The following PRKAG2 variants were observed in gnomAD, a reference collection of about 807,000 sequenced individuals.
The protein encoded by PRKAG2 is 5'-AMP-activated protein kinase subunit gamma-2.
A neutral mutation model predicts 69.6 loss-of-function variants in PRKAG2; 26 were observed. That is an observed-to-expected ratio of 0.37 (90% CI 0.27 to 0.52). The LOEUF (loss-of-function observed/expected upper bound fraction) is 0.52. PRKAG2 is among the 20% of genes least tolerant of loss of function. The pLI is 0.90. For missense variants in PRKAG2, 557 were observed against 740.0 expected, an observed-to-expected ratio of 0.75 and a Z score of 2.87; for synonymous variants, 293 against 285.0, an observed-to-expected ratio of 1.03 and a Z score of -0.28.
intron 7 of PRKAG2, among the ~76,000 whole-genome samples, chr7:151,575,945 T>C (rs1585000598): frequency 6.7e-6 from 1 of 149,434 alleles, no homozygotes; most frequent in South Asian, 2.1e-4. Context: ...TGGACCTTAC[T>C]AGCACGTCCA....
intron 1 of PRKAG2, among the ~76,000 whole-genome samples, chr7:151,819,244 C>T (rs1164983961): frequency 1.3e-5 from 2 of 152,248 alleles, no homozygotes; most frequent in African/African-American, 4.8e-5. Flanking sequence ...GTCCTAACAC[C>T]TCTGGGTCCT....
chr7:151,822,627 T>C (rs966981596), intron 1 of PRKAG2, among the ~76,000 whole-genome samples: 2 of 152,136 alleles, frequency 1.3e-5, no homozygotes, highest in African/African-American at 4.8e-5. Flanking sequence ...TGCCCAGGCT[T>C]GGGCACCTGG....
intron 2 of PRKAG2, among the ~76,000 whole-genome samples, chr7:151,782,034 G>A (rs1199687590): frequency 6.6e-6 from 1 of 152,080 alleles, no homozygotes; most frequent in Non-Finnish European, 1.5e-5. Context: ...CATTTTGGAA[G>A]GCCGAGGCGG....
intron 6 of PRKAG2, among the ~76,000 whole-genome samples, chr7:151,577,491 C>T (rs1333000280): frequency 6.6e-6 from 1 of 152,024 alleles, no homozygotes; most frequent in Non-Finnish European, 1.5e-5. Flanking sequence ...CTAAATAAGC[C>T]GATATTTTAA....
intron 4 of PRKAG2, among the ~76,000 whole-genome samples, chr7:151,635,866 A>T (rs919264898): frequency 6.4e-5 from 9 of 139,810 alleles, no homozygotes; most frequent in South Asian, 2.3e-4. Flanking sequence ...ATGACAATAA[A>T]TTTTTTTTTT....
chr7:151,710,317 G>A (rs1256525695), intron 3 of PRKAG2, among the ~76,000 whole-genome samples: 4 of 152,104 alleles, frequency 2.6e-5, no homozygotes, highest in South Asian at 4.1e-4. Flanking sequence ...CTGTCCCCCA[G>A]CTGCCGAGGC....
intron 1 of PRKAG2, among the ~76,000 whole-genome samples, chr7:151,816,256 A>G (rs2078637004): frequency 6.6e-6 from 1 of 152,190 alleles, no homozygotes. Flanking sequence ...CTGTGGCCAG[A>G]TAGCTCTAAG....
intron 1 of PRKAG2, among the ~76,000 whole-genome samples, chr7:151,851,990 C>T (rs955819584): frequency 5.3e-5 from 8 of 152,240 alleles, no homozygotes; most frequent in Non-Finnish European, 8.8e-5. Context: ...AGACTGAAAA[C>T]GGGTGGCAAG....
At chr7:151,795,396 C>T (rs1483901915) in intron 1 of PRKAG2, among the ~76,000 whole-genome samples, 1 of 152,044 alleles carries the variant, frequency 6.6e-6, no homozygotes, top group African/African-American at 2.4e-5. Flanking sequence ...TTGCCGCCTC[C>T]ATCCGGAGTA....
At chr7:151,675,973 C>T (rs1427774308) in intron 3 of PRKAG2, among the ~76,000 whole-genome samples, 4 of 152,140 alleles carry the variant, frequency 2.6e-5, no homozygotes, top group South Asian at 2.1e-4. Flanking sequence ...TCACTATCCA[C>T]GCTCGGTTGT....
At chr7:151,822,793 G>C (rs1430340265) in intron 1 of PRKAG2, among the ~76,000 whole-genome samples, 2 of 152,164 alleles carry the variant, frequency 1.3e-5, no homozygotes, top group Admixed American at 1.3e-4. Flanking sequence ...CCCTGGGTCA[G>C]GTGACAGGGA....
At chr7:151,786,422 G>A (rs377725287) in intron 2 of PRKAG2, 48 bp downstream of exon 2, 62 of 1,539,370 alleles carry the variant, frequency 4.0e-5, no homozygotes, top group African/African-American at 3.9e-4. Context: ...GCCTGCCTCC[G>A]TGGCACCTCA....
At position 151,614,950 on chromosome 7, in the gene PRKAG2, G is replaced by A. The variant is rs1195874319; in HGVS notation, c.754+17119C>T. 6.6e-6 allele frequency among the ~76,000 whole-genome samples: 1 copy of A among 151,976 alleles called. No homozygotes were observed. Among genetic ancestry groups the A allele is most frequent in the Admixed American group, 6.6e-5 (1 of 15,190 alleles). On this transcript the variant is annotated intron_variant, in intron 5 of 15. Transcript: ENST00000287878. This position sits in a 1 kb window ranked among gnomAD's most constrained non-coding sequence, Gnocchi z 4.4. Reference sequence around the variant, plus strand: ...GCCGTGTGGATCTAGAGGGAACCTCGAGAGAGGAGCCGTATGGATCCAGAG... The same window carrying A: ...GCCGTGTGGATCTAGAGGGAACCTCAAGAGAGGAGCCGTATGGATCCAGAG...
At chr7:151,661,463 A>T (rs1329319785) in intron 4 of PRKAG2, among the ~76,000 whole-genome samples, 1 of 152,230 alleles carries the variant, frequency 6.6e-6, no homozygotes, top group African/African-American at 2.4e-5. Flanking sequence ...GATTCAGCAC[A>T]TGAAGAGGAA....
At chr7:151,830,957 G>A (rs56204560) in intron 1 of PRKAG2, among the ~76,000 whole-genome samples, 38,678 of 151,552 alleles carry the variant, frequency 0.26, 5,524 homozygotes, top group Non-Finnish European at 0.29. Context: ...AAAGATTCAC[G>A]AATGACCAAT....
intron 4 of PRKAG2, among the ~76,000 whole-genome samples, chr7:151,651,641 G>T (rs1173264776): frequency 6.6e-6 from 1 of 151,754 alleles, no homozygotes. Flanking sequence ...CAAGATAGAT[G>T]GACAGATTCT....
At chr7:151,605,350 A>G (rs1361005514) in intron 5 of PRKAG2, among the ~76,000 whole-genome samples, 1 of 152,130 alleles carries the variant, frequency 6.6e-6, no homozygotes, top group Admixed American at 6.5e-5. Context: ...AAATTATAAT[A>G]AACCCTCTTT....
intron 4 of PRKAG2, among the ~76,000 whole-genome samples, chr7:151,672,080 G>T (rs1362337391): frequency 6.7e-6 from 1 of 149,654 alleles, no homozygotes. Flanking sequence ...TTACAGGCGT[G>T]AGCCACCTCT....
chr7:151,729,470 C>T (rs1034506297), intron 3 of PRKAG2, among the ~76,000 whole-genome samples: 1 of 152,038 alleles, frequency 6.6e-6, no homozygotes, highest in Non-Finnish European at 1.5e-5. Context: ...AGCCTCAGCC[C>T]CAGCTGTCTG....
Sources: allele counts gnomAD v4.1 joint callset (sites outside exome capture counted in the v4.1 genomes callset), GRCh38; gene constraint gnomAD v4.1.1; non-coding constraint Gnocchi (gnomAD v3.1); transcripts MANE v1.5; gene names NCBI Gene and HGNC (gene_info 2026-07-23, HGNC 2026-07-21).